Variants in GAD2 observed in about 807,000 individuals in gnomAD.
GAD2 encodes the protein 65 kDa glutamic acid decarboxylase.
A neutral mutation model predicts 80.1 loss-of-function variants in GAD2; 22 were observed. The observed-to-expected ratio is 0.27, with a 90% CI of 0.20 to 0.39. The LOEUF (loss-of-function observed/expected upper bound fraction) is 0.39, where lower values mean the gene tolerates loss of function less well. Among genes scored for constraint, GAD2 ranks in the 10% least tolerant of loss-of-function variants. The pLI is 1.00. For synonymous variants in GAD2, 274 were observed against 256.9 expected, an observed-to-expected ratio of 1.07 and a Z score of -0.64; for missense variants, 624 against 738.4, an observed-to-expected ratio of 0.85 and a Z score of 1.80.
At chr10:26,233,565 C>T (rs567665352) in intron 7 of GAD2, among the ~76,000 whole-genome samples, 1 of 152,350 alleles carries the variant, frequency 6.6e-6, no homozygotes, top group Admixed American at 6.5e-5. Flanking sequence ...CTAGTTCCTT[C>T]TGGGCTCTAG....
At chr10:26,236,323 G>A (rs1006392370) in intron 7 of GAD2, among the ~76,000 whole-genome samples, 3 of 135,824 alleles carry the variant, frequency 2.2e-5, no homozygotes, top group Non-Finnish European at 4.6e-5. Context: ...TTTTTGAGAT[G>A]GAGTCTCACT....
rs1006674913 is a variant in GAD2 at position 26,301,362 on chromosome 10, G to A, written c.*401G>A. ...ACAAAGTAAATATAAAATATATGTT[G>A]ACAATAAAAACTCTTGCCTTTTTCA... On this transcript the variant is annotated 3_prime_UTR_variant, in exon 16 of 16. Coordinates refer to ENST00000376261, the MANE Select transcript of GAD2 (RefSeq NM_001134366.2). 1 of 152,734 alleles carries A rather than the reference G, an allele frequency of 6.5e-6. No homozygotes were observed. Among genetic ancestry groups the A allele is most frequent in the African/African-American group, 2.4e-5 (1 of 41,336 alleles). 9.5% of individuals were successfully genotyped at this position (152,734 alleles called of 1,614,324 possible).
intron 7 of GAD2, among the ~76,000 whole-genome samples, chr10:26,235,444 C>T (rs1470602484): frequency 3.3e-5 from 5 of 152,148 alleles, no homozygotes; most frequent in Admixed American, 1.3e-4. Flanking sequence ...CCACCAACAC[C>T]GACTAGAGCT....
At chr10:26,283,217 A>G (rs1845293027) in intron 12 of GAD2, among the ~76,000 whole-genome samples, 1 of 152,236 alleles carries the variant, frequency 6.6e-6, no homozygotes, top group South Asian at 2.1e-4. Flanking sequence ...CGAAATATTC[A>G]CGGACTGTTT....
intron 13 of GAD2, among the ~76,000 whole-genome samples, chr10:26,288,164 T>C (rs1384660311): frequency 6.6e-6 from 1 of 152,238 alleles, no homozygotes; most frequent in East Asian, 1.9e-4. Context: ...TGGAATCTCC[T>C]TTAAGTCCAT....
chr10:26,224,657 T>A lies in GAD2; in HGVS notation c.724+6T>A. 6.3e-7 allele frequency: 1 copy of A among 1,583,936 alleles called. No homozygotes were observed. The highest frequency in any genetic ancestry group is 8.7e-7 in the Non-Finnish European group (1 of 1,153,636). ...CGATGGGATATTTTCTCCCGGTACA[T>A]GATATTTCAACTTTCTTTGTGTTTT... On this transcript the variant is annotated splice_donor_region_variant and intron_variant, in intron 6 of 15. Coordinates refer to ENST00000376261, the MANE Select transcript of GAD2 (RefSeq NM_001134366.2).
At chr10:26,251,351 G>C (rs7914958) in intron 8 of GAD2, among the ~76,000 whole-genome samples, 2 of 152,130 alleles carry the variant, frequency 1.3e-5, no homozygotes, top group African/African-American at 4.8e-5. Flanking sequence ...TGGCTTTGGA[G>C]CTGGATTATT....
rs574010439 is a variant in GAD2 at position 26,220,638 on chromosome 10, A to G, written c.520+1362A>G. ...CCTCCTCAGCTTTTCCTGCATTCAT[A>G]GTGCAATCCTGGGTGATGCTTTTAA... On this transcript the variant is annotated intron_variant, in intron 4 of 15. Transcript: ENST00000376261. Among the ~76,000 whole-genome samples the G allele has an allele frequency of 3.3e-5, 5 of 152,248 alleles. No individual in the cohort carries two copies. The East Asian group carries it at 7.7e-4, about 23-fold the overall frequency.
intron 15 of GAD2, among the ~76,000 whole-genome samples, chr10:26,294,285 T>C (rs1440786855): frequency 6.6e-6 from 1 of 152,240 alleles, no homozygotes; most frequent in East Asian, 1.9e-4. Context: ...TAGTTCCTTC[T>C]ACGTAAAATG....
In GAD2 at chr10:26,291,918, G is replaced by T. The variant is rs906154488; in HGVS notation, c.1387-547G>T. On this transcript the variant is annotated intron_variant, in intron 13 of 15. Transcript: ENST00000376261. Reference sequence around the variant, plus strand: ...CCCAAAGGAGAACTGTACAGAGCTCGACAGGCTAACAAAGCATCTGGGTGC... The same window carrying T: ...CCCAAAGGAGAACTGTACAGAGCTCTACAGGCTAACAAAGCATCTGGGTGC... 2.0e-5 allele frequency among the ~76,000 whole-genome samples: 3 copies of T among 152,294 alleles called. No individual in the cohort carries two copies. In the Middle Eastern group the frequency reaches 0.01, roughly 518 times the overall value.
At chr10:26,258,640 C>T (rs1006047059) in intron 8 of GAD2, among the ~76,000 whole-genome samples, 3 of 152,104 alleles carry the variant, frequency 2.0e-5, no homozygotes, top group Admixed American at 6.5e-5. Context: ...ATACAGGATT[C>T]GACTTTTTGT....
intron 5 of GAD2, 88 bp from the exon 6 acceptor site, chr10:26,224,451 A>T (rs1421333036): frequency 2.4e-5 from 20 of 839,978 alleles, no homozygotes; most frequent in Non-Finnish European, 3.0e-5. Context: ...TATGTTTTGA[A>T]AAAGGAAATA....
chr10:26,223,299 C>G (rs1844476391), intron 4 of GAD2, among the ~76,000 whole-genome samples: 3 of 152,158 alleles, frequency 2.0e-5, no homozygotes, highest in African/African-American at 7.2e-5. Flanking sequence ...ACAATCATCA[C>G]CTTTTGAATC....
intron 10 of GAD2, among the ~76,000 whole-genome samples, chr10:26,272,512 A>G (rs750398774): frequency 6.6e-6 from 1 of 151,988 alleles, no homozygotes; most frequent in African/African-American, 2.4e-5. Context: ...CATACATTCT[A>G]TAAAGTAGAA....
chr10:26,229,196 G>T (rs1476448103), intron 6 of GAD2, among the ~76,000 whole-genome samples: 1 of 117,388 alleles, frequency 8.5e-6, no homozygotes, highest in Non-Finnish European at 1.9e-5. Flanking sequence ...CCTGTCTCAA[G>T]AAAAAAAAAA....
chr10:26,275,907 G>A lies in GAD2; in HGVS notation c.1157+2207G>A, dbSNP rs545023184. Among the ~76,000 whole-genome samples, 12 of 152,250 alleles carry A rather than the reference G, an allele frequency of 7.9e-5. No individual in the cohort carries two copies. In the South Asian group the frequency reaches 2.5e-3, roughly 32 times the overall value. On this transcript the variant is annotated intron_variant, in intron 11 of 15. Transcript: ENST00000376261. ...CCGGGCACGGTGCTTGTAATCCCAG[G>A]ACTTTGGGAGGCAGAGGTGGAAGGA...
At chr10:26,267,078 T>A (rs1268037745) in intron 8 of GAD2, among the ~76,000 whole-genome samples, 1 of 152,204 alleles carries the variant, frequency 6.6e-6, no homozygotes, top group Non-Finnish European at 1.5e-5. Context: ...TCTTACTGCC[T>A]TATACTTAAA....
Position 26,301,162 on chromosome 10 carries a change from G to A in GAD2, c.*201G>A, listed in dbSNP as rs369752783. On this transcript the variant is annotated 3_prime_UTR_variant, in exon 16 of 16. Coordinates refer to ENST00000376261, the MANE Select transcript of GAD2 (RefSeq NM_001134366.2). Reference sequence around the variant, plus strand: ...GTTTAGAATACCTCTCTAAGAATTCGTGACAAAAGGCTATGTTCTAATCAA... The same window carrying A: ...GTTTAGAATACCTCTCTAAGAATTCATGACAAAAGGCTATGTTCTAATCAA... The A allele has an allele frequency of 3.7e-5, 20 of 542,922 alleles. No individual in the cohort carries two copies. The highest frequency in any genetic ancestry group is 1.2e-4 in the Admixed American group (4 of 32,270). The allele number at this position is 542,922 out of a possible 1,614,324, so 33.6% of individuals were successfully genotyped here.
At chr10:26,268,681 A>G (rs7073119) in intron 8 of GAD2, among the ~76,000 whole-genome samples, 60,769 of 151,996 alleles carry the variant, frequency 0.4, 14,883 homozygotes, top group African/African-American at 0.7. Flanking sequence ...TCATCCAGAT[A>G]TTTCAGAATG....
Sources: gnomAD v4.1 joint callset for allele counts (sites outside exome capture counted in the v4.1 genomes callset) on GRCh38, gnomAD v4.1.1 for gene constraint, MANE v1.5 for transcripts, NCBI Gene and HGNC (gene_info 2026-07-23, HGNC 2026-07-21) for gene names.